The following SLC4A4 variants were observed in gnomAD, a reference collection of about 807,000 sequenced individuals.
SLC4A4 encodes the protein electrogenic sodium bicarbonate cotransporter 1.
Under a neutral mutation model 111.5 loss-of-function variants are expected in SLC4A4, and 27 were observed. The observed-to-expected ratio is 0.24, with a 90% confidence interval of 0.18 to 0.33. SLC4A4 has a LOEUF of 0.33. Among genes scored for constraint, SLC4A4 ranks in the 10% least tolerant of loss-of-function variants. The pLI, the probability that SLC4A4 is intolerant of heterozygous loss-of-function variation, is 1.00. For synonymous variants in SLC4A4, 443 were observed against 463.4 expected, an observed-to-expected ratio of 0.96 and a Z score of 0.57; for missense variants, 909 against 1,315.5, an observed-to-expected ratio of 0.69 and a Z score of 4.78.
intron 17 of SLC4A4, among the ~76,000 whole-genome samples, chr4:71,533,145 A>G (rs1284777715): frequency 1.3e-5 from 2 of 152,174 alleles, no homozygotes; most frequent in Non-Finnish European, 2.9e-5. Flanking sequence ...AGGAAGGGAT[A>G]TATATGTTAT....
At chr4:71,330,336 T>C (rs1727867340) in intron 3 of SLC4A4, among the ~76,000 whole-genome samples, 1 of 152,120 alleles carries the variant, frequency 6.6e-6, no homozygotes, top group East Asian at 1.9e-4. Context: ...AGTTTGGAAG[T>C]AGTCTTTCCT....
At chr4:71,472,068 G>A (rs760527397) in intron 13 of SLC4A4, among the ~76,000 whole-genome samples, 19 of 151,950 alleles carry the variant, frequency 1.3e-4, no homozygotes, top group South Asian at 2.1e-4. Flanking sequence ...CTTGTGCCAC[G>A]TTATCTTTTT....
chr4:71,172,893 C>G (rs1578549509), intron 2 of SLC4A4, among the ~76,000 whole-genome samples: 1 of 152,176 alleles, frequency 6.6e-6, no homozygotes, highest in Admixed American at 6.5e-5. Flanking sequence ...ACTATGGATA[C>G]TTTACAAGAT....
At chr4:71,536,457 C>CATATACATATATATATAT (rs1553928531) in intron 18 of SLC4A4, among the ~76,000 whole-genome samples, 1 of 31,406 alleles carries the variant, frequency 3.2e-5, no homozygotes, top group African/African-American at 9.6e-5. Context: ...TACATATATA[C>CATATACATATATATATAT]ATATATACAT....
chr4:71,109,872 A>G (rs1743041879), intron 2 of SLC4A4, among the ~76,000 whole-genome samples: 1 of 152,156 alleles, frequency 6.6e-6, no homozygotes, highest in Non-Finnish European at 1.5e-5. Context: ...CAAAGGGGAA[A>G]TAGGGTGCTT....
chr4:71,200,563 G>A (rs1746202136), intron 1 of SLC4A4, among the ~76,000 whole-genome samples: 1 of 152,158 alleles, frequency 6.6e-6, no homozygotes, highest in South Asian at 2.1e-4. Context: ...TTTAGACACA[G>A]CTATGACACC....
At chr4:71,389,687 A>G (rs1227827173) in intron 6 of SLC4A4, among the ~76,000 whole-genome samples, 2 of 152,152 alleles carry the variant, frequency 1.3e-5, no homozygotes, top group Non-Finnish European at 2.9e-5. Context: ...ATCTCCCTCC[A>G]TAGGAAATGG....
rs559943051 is a variant in SLC4A4, at chr4:71,248,758, C to G, written c.74-6462C>G. Among the ~76,000 whole-genome samples the G allele has an allele frequency of 3.9e-5, 6 of 152,224 alleles. 1 individual carries two copies. The highest frequency in any genetic ancestry group is 1.4e-4 in the African/African-American group (6 of 41,546). On this transcript the variant is annotated intron_variant, in intron 2 of 25. Transcript: ENST00000264485. ...TTTATAGAGTGCCAGTCAGTTTTTGCCTTTACTATCAGCCATTAATAATGG... is the reference window on the plus strand; with the variant it reads ...TTTATAGAGTGCCAGTCAGTTTTTGGCTTTACTATCAGCCATTAATAATGG...
At chr4:71,068,393 A>C (rs557254410) in intron 1 of SLC4A4, among the ~76,000 whole-genome samples, 1 of 151,598 alleles carries the variant, frequency 6.6e-6, no homozygotes, top group African/African-American at 2.4e-5. Context: ...ATTTTAAAGT[A>C]TATATACATC....
At chr4:71,176,368 A>G (rs530511839) in intron 2 of SLC4A4, among the ~76,000 whole-genome samples, 1 of 152,332 alleles carries the variant, frequency 6.6e-6, no homozygotes, top group Admixed American at 6.5e-5. Flanking sequence ...GCTTCAGGTG[A>G]TCAAACTACT....
chr4:71,339,072 T>G lies in SLC4A4; in HGVS notation c.254-298T>G. ...TGGAGAAGGAGGGGAAGTGAGTGGT[T>G]AGACCTCAGCTCATCTGAGGGCTAA... On this transcript the variant is annotated intron_variant, in intron 3 of 25. Coordinates refer to ENST00000264485, the MANE Select transcript of SLC4A4 (RefSeq NM_001098484.3). 3.2e-6 allele frequency: 5 copies of G among 1,557,826 alleles called. No individual in the cohort carries two copies. The South Asian group carries it at 6.0e-5, about 19-fold the overall frequency.
In SLC4A4 at chr4:71,274,460, A is replaced by G. The variant is rs1196019579; in HGVS notation, c.253+19061A>G. Among the ~76,000 whole-genome samples the G allele has an allele frequency of 2.0e-5, 3 of 152,216 alleles. No individual in the cohort carries two copies. In the East Asian group the frequency reaches 5.8e-4, roughly 29 times the overall value. On this transcript the variant is annotated intron_variant, in intron 3 of 25. Coordinates refer to ENST00000264485, the MANE Select transcript of SLC4A4 (RefSeq NM_001098484.3). ...TAAACTAGGTACTGAGTTCATTCAG[A>G]TAGAATTAAACATGAAGAAATAAAA...
At chr4:71,297,438 T>C (rs755452238) in intron 3 of SLC4A4, among the ~76,000 whole-genome samples, 30 of 151,998 alleles carry the variant, frequency 2.0e-4, no homozygotes, top group Non-Finnish European at 3.2e-4. Flanking sequence ...TTCATGTGTG[T>C]GGTTGTTGCT....
chr4:71,544,872 AT>A (rs897523430), intron 18 of SLC4A4, among the ~76,000 whole-genome samples: 3 of 151,760 alleles, frequency 2.0e-5, no homozygotes, highest in Admixed American at 6.6e-5. Flanking sequence ...TGAGGGCAAG[AT>A]TTTTTTTGTC....
intron 2 of SLC4A4, among the ~76,000 whole-genome samples, chr4:71,179,948 A>T (rs896203061): frequency 2.0e-5 from 3 of 152,228 alleles, no homozygotes; most frequent in African/African-American, 7.2e-5. Context: ...CTGACTTCAA[A>T]CTATACTACA....
intron 12 of SLC4A4, among the ~76,000 whole-genome samples, chr4:71,457,534 T>C (rs981118020): frequency 6.6e-6 from 1 of 152,136 alleles, no homozygotes; most frequent in Non-Finnish European, 1.5e-5. Context: ...ACTGTTTCCT[T>C]TTTTTATGGT....
At chr4:71,262,023 T>C (rs757670056) in intron 3 of SLC4A4, among the ~76,000 whole-genome samples, 1 of 152,160 alleles carries the variant, frequency 6.6e-6, no homozygotes, top group Non-Finnish European at 1.5e-5. Context: ...TAAATGACTG[T>C]CTGCCACAGG....
At chr4:71,381,903 T>C (rs1223387449) in intron 6 of SLC4A4, among the ~76,000 whole-genome samples, 1 of 152,134 alleles carries the variant, frequency 6.6e-6, no homozygotes, top group Non-Finnish European at 1.5e-5. Context: ...AAGTGAGAAG[T>C]GCTTGTAGAG....
chr4:71,368,628 C>G (rs530251456), intron 6 of SLC4A4, among the ~76,000 whole-genome samples: 28 of 152,324 alleles, frequency 1.8e-4, no homozygotes, highest in Non-Finnish European at 3.4e-4. Context: ...CTGTGCTTTA[C>G]AAAGCTGTGT....
Sources: gnomAD v4.1 joint callset for allele counts (sites outside exome capture counted in the v4.1 genomes callset) on GRCh38, gnomAD v4.1.1 for gene constraint, MANE v1.5 for transcripts, NCBI Gene and HGNC (gene_info 2026-07-23, HGNC 2026-07-21) for gene names.